The following PRR27 variants were observed in gnomAD, a reference collection of about 807,000 sequenced individuals.
PRR27 encodes the protein proline rich 27.
A neutral mutation model predicts 16.8 loss-of-function variants in PRR27; 12 were observed. The observed-to-expected ratio is 0.71, with a 90% CI of 0.46 to 1.16. The LOEUF (loss-of-function observed/expected upper bound fraction) is 1.16. PRR27 is among the 50% of genes most tolerant of loss of function. The pLI is 0.00. For missense variants in PRR27, 277 were observed against 273.3 expected, an observed-to-expected ratio of 1.01 and a Z score of -0.10; for synonymous variants, 100 against 98.4, an observed-to-expected ratio of 1.02 and a Z score of -0.10.
Position 70,164,907 on chromosome 4 carries a change from T to A in PRR27, c.*2246T>A, listed in dbSNP as rs1270450112. Reference sequence around the variant, plus strand: ...TTTATTCCAAGAAAATTTTGGAATTTTAAAAATAAACATGACATCTTATCA... The same window carrying A: ...TTTATTCCAAGAAAATTTTGGAATTATAAAAATAAACATGACATCTTATCA... On this transcript the variant is annotated 3_prime_UTR_variant, in exon 5 of 5. Transcript: ENST00000344526. The A allele has an allele frequency of 1.3e-5, 2 of 152,108 alleles. No homozygotes were observed. Among genetic ancestry groups the A allele is most frequent in the Admixed American group, 6.5e-5 (1 of 15,272 alleles). 9.4% of individuals were successfully genotyped at this position (152,108 alleles called of 1,614,324 possible).
chr4:70,154,399 C>A lies in PRR27; in HGVS notation c.24C>A (p.Cys8Ter), dbSNP rs1196052152. 1 of 1,612,672 alleles carries A rather than the reference C, an allele frequency of 6.2e-7. No individual in the cohort carries two copies. The highest frequency in any genetic ancestry group is 8.5e-7 in the Non-Finnish European group (1 of 1,179,000). MKLLLWA[C>*]IVCVAFARKR... Reference sequence around the variant, plus strand: ...AAATGAAGCTTCTCCTTTGGGCCTGCATTGTATGTGTTGCTTTTGCAAGGA... The same window carrying A: ...AAATGAAGCTTCTCCTTTGGGCCTGAATTGTATGTGTTGCTTTTGCAAGGA... Residue 8 changes from cysteine to a stop codon, truncating the protein, a stop_gained, in exon 1 of 5, where the codon TGC becomes TGA. Transcript: ENST00000344526. LOFTEE classifies it high-confidence loss of function.
rs754593115 is a variant in PRR27 at position 70,161,614 on chromosome 4, A to C, written c.*17A>C. 5 of 1,495,468 alleles carry C rather than the reference A, an allele frequency of 3.3e-6. No individual in the cohort carries two copies. The South Asian group carries it at 4.9e-5, about 15-fold the overall frequency. 92.6% of individuals were successfully genotyped at this position (1,495,468 alleles called of 1,614,324 possible). On this transcript the variant is annotated 3_prime_UTR_variant, in exon 4 of 5. Coordinates refer to ENST00000344526, the MANE Select transcript of PRR27 (RefSeq NM_214711.4). ...AATCAGTGAAATTCTCTAGAAGAGT[A>C]CCATGGGTTCATTTCTGTAAGTCAT...
rs941714585 is a variant in PRR27 at position 70,158,719 on chromosome 4, CTGAGCCTGCTGCAGA to C, written c.468_482del (p.Glu157_Glu161del). 6.3e-7 allele frequency: 1 copy of C among 1,580,754 alleles called. No individual in the cohort carries two copies. Among genetic ancestry groups the C allele is most frequent in the African/African-American group, 1.3e-5 (1 of 74,358 alleles). ...CCTGCTGCAGGGGCCCCTGTTGCAG[CTGAGCCTGCTGCAGA>C]GGCACCTGTTGGAGCTGAGCCTGCT... On this transcript the variant is annotated inframe_deletion, in exon 3 of 5. Coordinates refer to ENST00000344526, the MANE Select transcript of PRR27 (RefSeq NM_214711.4).
rs541631363 is a variant in PRR27, at chr4:70,165,739, A to G, written c.*3078A>G. ...TTCCCTTTAGCCACTGGAAAATGAT[A>G]TAATGTCATTGCTTACAGAAGGTGA... On this transcript the variant is annotated 3_prime_UTR_variant, in exon 5 of 5. Coordinates refer to ENST00000344526, the MANE Select transcript of PRR27 (RefSeq NM_214711.4). The G allele has an allele frequency of 8.5e-4, 130 of 152,214 alleles. 2 individuals are homozygous for G. The highest frequency in any genetic ancestry group is 8.5e-3 in the Admixed American group (130 of 15,270). 9.4% of individuals were successfully genotyped at this position (152,214 alleles called of 1,614,324 possible).
intron 1 of PRR27, among the ~76,000 whole-genome samples, chr4:70,155,559 G>A (rs1233356210): frequency 6.6e-6 from 1 of 151,998 alleles, no homozygotes; most frequent in East Asian, 1.9e-4. Context: ...TAGTAGAGAC[G>A]GGGTTTCACC....
In PRR27 at chr4:70,158,813, G is replaced by C. The variant is rs144811522; in HGVS notation, c.561G>C (p.Glu187Asp). ...EPAAEAPVGV[E>D]PAAEEPSPAE... is the part of the protein sequence containing the mutation. ...CTGCAGAGGCACCTGTTGGAGTGGA[G>C]CCAGCTGCAGAGGAACCTTCACCAG... Residue 187 changes from glutamate to aspartate, a missense_variant, in exon 3 of 5, where the codon GAG (glutamate) becomes GAC (aspartate). Transcript: ENST00000344526. 820 of 1,613,878 alleles carry C rather than the reference G, an allele frequency of 5.1e-4. 4 individuals carry two copies. In the East Asian group the frequency reaches 0.014, roughly 28 times the overall value.
At position 70,163,880 on chromosome 4, in the gene PRR27, G is replaced by C. The variant is rs960723296; in HGVS notation, c.*1219G>C. 8 of 136,900 alleles carry C rather than the reference G, an allele frequency of 5.8e-5. No individual in the cohort carries two copies. Among genetic ancestry groups the C allele is most frequent in the African/African-American group, 2.1e-4 (8 of 38,766 alleles). The allele number at this position is 136,900 out of a possible 1,614,324, so 8.5% of individuals were successfully genotyped here. On this transcript the variant is annotated 3_prime_UTR_variant, in exon 5 of 5. Coordinates refer to ENST00000344526, the MANE Select transcript of PRR27 (RefSeq NM_214711.4). The stretch of plus-strand genomic sequence containing the variant: ...CATCTTGCCCCATGCTCCTCATGCA[G>C]CAGCTTTTTTTTTTTTTTCCTTTTT...
chr4:70,157,543 AGAGT>A (rs1054917211), intron 2 of PRR27, among the ~76,000 whole-genome samples: 42 of 151,880 alleles, frequency 2.8e-4, no homozygotes, highest in African/African-American at 1.0e-3. Context: ...TTTTTGAGAC[AGAGT>A]CTCACTCTGT....
chr4:70,161,179 TACACACATAC>T (rs1728640563), intron 3 of PRR27, among the ~76,000 whole-genome samples: 9 of 107,644 alleles, frequency 8.4e-5, no homozygotes, highest in African/African-American at 2.1e-4. Flanking sequence ...TATATATATA[TACACACATAC>T]ATATATATAC....
rs1204187237 is a variant in PRR27, at chr4:70,163,071, G to A, written c.*410G>A. ...TGTCACAAAACAGTAAAACATCTGT[G>A]TTTAACCTATGGTAAACAACATGTT... On this transcript the variant is annotated 3_prime_UTR_variant, in exon 5 of 5. Coordinates refer to ENST00000344526, the MANE Select transcript of PRR27 (RefSeq NM_214711.4). The A allele has an allele frequency of 6.6e-6, 1 of 152,132 alleles. No homozygotes were observed. The highest frequency in any genetic ancestry group is 2.4e-5 in the African/African-American group (1 of 41,424). The allele number at this position is 152,132 out of a possible 1,614,324, so 9.4% of individuals were successfully genotyped here.
intron 2 of PRR27, among the ~76,000 whole-genome samples, chr4:70,156,970 C>T (rs748114910): frequency 6.6e-6 from 1 of 151,912 alleles, no homozygotes; most frequent in Non-Finnish European, 1.5e-5. Context: ...ATACATGTGC[C>T]ATGTTGGTGT....
Position 70,155,294 on chromosome 4 carries a change from A to G in PRR27, c.52-760A>G, listed in dbSNP as rs193256610. ...AAACCATATTGAAGCTTCATTGGAG[A>G]ACAAATGGATCTATGGTCCTTCTGG... is the stretch of plus-strand genomic sequence containing the variant. On this transcript the variant is annotated intron_variant, in intron 1 of 4. Transcript: ENST00000344526. Among the ~76,000 whole-genome samples the G allele has an allele frequency of 8.0e-4, 121 of 152,042 alleles. 1 individual carries two copies. The highest frequency in any genetic ancestry group is 9.7e-4 in the Non-Finnish European group (66 of 67,986).
Position 70,158,522 on chromosome 4 carries a change from C to A in PRR27, c.270C>A (p.Ile90=), listed in dbSNP as rs746027627. The stretch of plus-strand genomic sequence containing the variant: ...CTGGATTCCCCTATGTCTATCACAT[C>A]CGTGGTTTTCCCTTAGCTACTCAGT... ...TSPGFPYVYH[I]RGFPLATQLN... The change falls in exon 3 of 5, where the codon ATC becomes ATA. Residue 90 remains isoleucine, a synonymous_variant. Transcript: ENST00000344526. 2 of 1,614,044 alleles carry A rather than the reference C, an allele frequency of 1.2e-6. No individual in the cohort carries two copies. The highest frequency in any genetic ancestry group is 1.7e-6 in the Non-Finnish European group (2 of 1,180,016).
chr4:70,159,045 T>C, intron 3 of PRR27, 145 bp downstream of exon 3: 1 of 723,416 alleles, frequency 1.4e-6, no homozygotes. Context: ...TACCACAAAC[T>C]ACACATATTG....
intron 3 of PRR27, among the ~76,000 whole-genome samples, chr4:70,160,802 G>A (rs1427444184): frequency 6.6e-6 from 1 of 151,506 alleles, no homozygotes; most frequent in African/African-American, 2.4e-5. Context: ...ATGACCCAAG[G>A]AATTAGGCTA....
Position 70,163,884 on chromosome 4 carries a change from CTT to C in PRR27, c.*1236_*1237del, listed in dbSNP as rs71210152. 8,649 of 144,806 alleles carry C rather than the reference CTT, an allele frequency of 0.06. 314 individuals carry two copies. Among genetic ancestry groups the C allele is most frequent in the Non-Finnish European group, 0.08 (5,291 of 66,134 alleles). The allele number at this position is 144,806 out of a possible 1,614,324, so 9.0% of individuals were successfully genotyped here. ...TTGCCCCATGCTCCTCATGCAGCAG[CTT>C]TTTTTTTTTTTTCCTTTTTCAAATA... On this transcript the variant is annotated 3_prime_UTR_variant, in exon 5 of 5. Transcript: ENST00000344526.
At chr4:70,160,409 TTCTCTC>T (rs149182032) in intron 3 of PRR27, among the ~76,000 whole-genome samples, 41 of 106,162 alleles carry the variant, frequency 3.9e-4, no homozygotes, top group South Asian at 1.7e-3. Flanking sequence ...TTCTGGGACT[TTCTCTC>T]TCTCTCTCTC....
rs1380964941 is a variant in PRR27, at chr4:70,162,996, T to A, written c.*335T>A. On this transcript the variant is annotated 3_prime_UTR_variant, in exon 5 of 5. Transcript: ENST00000344526. The stretch of plus-strand genomic sequence containing the variant: ...GGATGATGTTAGTATTGGTTTTGAG[T>A]GCAATAGGTTTTTTCCTAAACAAAC... The A allele has an allele frequency of 3.9e-5, 6 of 152,174 alleles. No individual in the cohort carries two copies. Among genetic ancestry groups the A allele is most frequent in the Non-Finnish European group, 8.8e-5 (6 of 68,034 alleles). 9.4% of individuals were successfully genotyped at this position (152,174 alleles called of 1,614,324 possible). A position where few individuals can be genotyped will look rare whatever the true frequency, so the allele number is the denominator to read the frequency against.
intron 2 of PRR27, 52 bp downstream of exon 2, chr4:70,156,129 A>G (rs763754590): frequency 5.1e-6 from 5 of 979,966 alleles, no homozygotes; most frequent in East Asian, 6.0e-5. Context: ...ATCTTAAAAT[A>G]TATTTTACAT....
Sources: gnomAD v4.1 joint callset for allele counts (sites outside exome capture counted in the v4.1 genomes callset) on GRCh38, gnomAD v4.1.1 for gene constraint, MANE v1.5 for transcripts, NCBI Gene and HGNC (gene_info 2026-07-23, HGNC 2026-07-21) for gene names.